The following ANKS1B variants were observed in gnomAD, a reference collection of about 807,000 sequenced individuals.
The protein encoded by ANKS1B is ankyrin repeat and sterile alpha motif domain containing 1B.
In ANKS1B, 36 loss-of-function variants were observed where a neutral mutation model predicts 148.3. The observed-to-expected ratio is 0.24, with a 90% CI of 0.19 to 0.32. The LOEUF is 0.32. Among genes scored for constraint, ANKS1B ranks in the 10% least tolerant of loss-of-function variants. The pLI is 1.00. For synonymous variants in ANKS1B, 542 were observed against 560.8 expected (o/e 0.97, Z 0.47); for missense variants, 1,157 against 1,542.6 (o/e 0.75, Z 4.19).
At position 99,657,539 on chromosome 12, in the gene ANKS1B, T is replaced by C. The variant is rs1334162974; in HGVS notation, c.1129-2329A>G. ...AGCCCATGCTTTCATAAATACACACTTCTCAAATCAATAATAGAAGGTGAT... is the reference window on the plus strand; with the variant it reads ...AGCCCATGCTTTCATAAATACACACCTCTCAAATCAATAATAGAAGGTGAT... On this transcript the variant is annotated intron_variant, in intron 8 of 26. Transcript: ENST00000683438. Among the ~76,000 whole-genome samples, 4 of 151,952 alleles carry C rather than the reference T, an allele frequency of 2.6e-5. No homozygotes were observed. The East Asian group carries it at 5.8e-4, about 22-fold the overall frequency.
intron 10 of ANKS1B, among the ~76,000 whole-genome samples, chr12:99,467,026 T>C (rs1195804753): frequency 6.6e-6 from 1 of 152,208 alleles, no homozygotes; most frequent in East Asian, 1.9e-4. Flanking sequence ...TGAACACTGA[T>C]GCAAAAATCC....
At chr12:99,308,482 T>C (rs1221593384) in intron 12 of ANKS1B, among the ~76,000 whole-genome samples, 2 of 152,044 alleles carry the variant, frequency 1.3e-5, no homozygotes, top group Non-Finnish European at 2.9e-5. Context: ...AGGCTGTCTT[T>C]TCCATGTCAT....
At chr12:99,575,133 C>T (rs566463733) in intron 9 of ANKS1B, among the ~76,000 whole-genome samples, 3 of 152,166 alleles carry the variant, frequency 2.0e-5, no homozygotes, top group Admixed American at 2.0e-4. Context: ...GTCTTAAAGG[C>T]AGCCAGAGAG....
chr12:99,735,892 C>T (rs1015561000), intron 8 of ANKS1B, among the ~76,000 whole-genome samples: 2 of 149,290 alleles, frequency 1.3e-5, no homozygotes, highest in African/African-American at 4.9e-5. Flanking sequence ...TATCATAGCA[C>T]ATCAAAAAGA....
chr12:99,024,658 T>A (rs1238065492), intron 17 of ANKS1B, among the ~76,000 whole-genome samples: 3 of 152,222 alleles, frequency 2.0e-5, no homozygotes, highest in African/African-American at 7.2e-5. Flanking sequence ...CTGTATATTA[T>A]GATGTTTTGA....
intron 1 of ANKS1B, among the ~76,000 whole-genome samples, chr12:99,916,085 T>G (rs920195966): frequency 1.3e-5 from 2 of 152,352 alleles, no homozygotes; most frequent in Admixed American, 6.5e-5. Flanking sequence ...TTAATAAGGT[T>G]AATTTTTTAT....
chr12:99,104,678 G>A (rs1039014530), intron 15 of ANKS1B: 1 of 152,216 alleles, frequency 6.6e-6, no homozygotes, highest in South Asian at 2.1e-4. Context: ...CCTGAAGGTT[G>A]TACATCCTCT....
chr12:99,688,173 T>A (rs1244436211), intron 8 of ANKS1B, among the ~76,000 whole-genome samples: 1 of 151,554 alleles, frequency 6.6e-6, no homozygotes, highest in African/African-American at 2.4e-5. Flanking sequence ...AACCGCTGAG[T>A]ATTGCTTTTC....
At chr12:99,040,503 C>T (rs1031847084) in intron 17 of ANKS1B, among the ~76,000 whole-genome samples, 6 of 152,140 alleles carry the variant, frequency 3.9e-5, no homozygotes, top group African/African-American at 9.7e-5. Flanking sequence ...TGTTGTTAAA[C>T]GTATCTCTGT....
chr12:99,834,573 A>G (rs2084529162), intron 1 of ANKS1B, among the ~76,000 whole-genome samples: 1 of 152,234 alleles, frequency 6.6e-6, no homozygotes, highest in Admixed American at 6.5e-5. Flanking sequence ...CAGGACATTC[A>G]TTAGTCAGAA....
chr12:99,671,620 T>C (rs7963263), intron 8 of ANKS1B, among the ~76,000 whole-genome samples: 3,325 of 152,246 alleles, frequency 0.022, 137 homozygotes, highest in African/African-American at 0.076. Context: ...ATAATTAAAA[T>C]GTATATTAAC....
chr12:99,826,198 TG>T (rs2083169709), intron 1 of ANKS1B, among the ~76,000 whole-genome samples: 4 of 152,194 alleles, frequency 2.6e-5, no homozygotes, highest in Non-Finnish European at 4.4e-5. Context: ...GTACACCAAC[TG>T]TATGTCACAT....
exon 10 of ANKS1B, chr12:98,735,426 G>T: frequency 4.7e-6 from 2 of 426,236 alleles, no homozygotes; most frequent in South Asian, 1.7e-4. Context: ...AAATTGTTTT[G>T]AAAAACATTT....
intron 8 of ANKS1B, among the ~76,000 whole-genome samples, chr12:99,762,736 T>C (rs1408845880): frequency 6.6e-6 from 1 of 152,094 alleles, no homozygotes; most frequent in East Asian, 1.9e-4. Context: ...ACTTACAGAA[T>C]GGTAGAAAAT....
chr12:99,727,072 A>C (rs1238679940), intron 8 of ANKS1B, among the ~76,000 whole-genome samples: 1 of 152,170 alleles, frequency 6.6e-6, no homozygotes, highest in African/African-American at 2.4e-5. Context: ...CCCTTTGAAA[A>C]CTGGTGCAAG....
chr12:99,497,821 G>GTCTTTC (rs1595895572), intron 10 of ANKS1B, among the ~76,000 whole-genome samples: 1 of 151,502 alleles, frequency 6.6e-6, no homozygotes, highest in Non-Finnish European at 1.5e-5. Context: ...TCACCCCTCA[G>GTCTTTC]TCTTTCTCTT....
intron 12 of ANKS1B, among the ~76,000 whole-genome samples, chr12:99,324,227 A>G (rs2085875316): frequency 6.6e-6 from 1 of 152,182 alleles, no homozygotes; most frequent in African/African-American, 2.4e-5. Context: ...GCTGGGTGCC[A>G]TGTGCTGTTC....
chr12:99,407,482 C>T (rs1174497704), intron 11 of ANKS1B, among the ~76,000 whole-genome samples: 1 of 145,530 alleles, frequency 6.9e-6, no homozygotes, highest in African/African-American at 2.6e-5. Flanking sequence ...ACTTTCAGCA[C>T]TCTTATTCAC....
chr12:98,752,707 A>C (rs541887407), intron 25 of ANKS1B, among the ~76,000 whole-genome samples: 1 of 152,152 alleles, frequency 6.6e-6, no homozygotes, highest in Non-Finnish European at 1.5e-5. Context: ...CCAGGAGCCC[A>C]CACCATTCAA....
Sources: allele counts gnomAD v4.1 joint callset (sites outside exome capture counted in the v4.1 genomes callset), GRCh38; gene constraint gnomAD v4.1.1; transcripts MANE v1.5; gene names NCBI Gene and HGNC (gene_info 2026-07-23, HGNC 2026-07-21).